NRXN1: variants seen among roughly 807,000 people sequenced by gnomAD.
NRXN1 encodes the protein neurexin-1.
In NRXN1, 39 loss-of-function variants were observed where a neutral mutation model predicts 150.9. That is an observed-to-expected ratio of 0.26 (90% CI 0.20 to 0.34). The LOEUF is 0.34. Among genes scored for constraint, NRXN1 ranks in the 10% least tolerant of loss-of-function variants. The probability of loss-of-function intolerance (pLI) is 1.00; values close to 1 mark genes in which losing one functional copy is unlikely to be tolerated. For missense variants in NRXN1, 1,815 were observed against 1,949.9 expected (o/e 0.93, Z 1.30); for synonymous variants, 924 against 757.0 (o/e 1.22, Z -3.62).
intron 5 of NRXN1, among the ~76,000 whole-genome samples, chr2:50,898,281 A>T (rs1213283520): frequency 6.6e-6 from 1 of 152,132 alleles, no homozygotes; most frequent in African/African-American, 2.4e-5. Context: ...TGTCCCTTGC[A>T]GAGATTTCCA....
At chr2:50,736,097 C>T (rs1386487174) in intron 5 of NRXN1, among the ~76,000 whole-genome samples, 4 of 152,130 alleles carry the variant, frequency 2.6e-5, no homozygotes, top group African/African-American at 9.7e-5. Flanking sequence ...AACACCATTT[C>T]AATCACATTT....
intron 5 of NRXN1, among the ~76,000 whole-genome samples, chr2:50,673,032 T>A (rs1462327443): frequency 6.6e-6 from 1 of 152,060 alleles, no homozygotes; most frequent in Non-Finnish European, 1.5e-5. Flanking sequence ...CCTGAACATA[T>A]CTGCATATAT....
chr2:50,586,588 C>A (rs1355177542), intron 8 of NRXN1, among the ~76,000 whole-genome samples: 1 of 151,828 alleles, frequency 6.6e-6, no homozygotes, highest in Non-Finnish European at 1.5e-5. Flanking sequence ...GTAGACTAAT[C>A]AAAAGTATTC....
intron 18 of NRXN1, among the ~76,000 whole-genome samples, chr2:50,232,794 A>G (rs748660732): frequency 1.3e-5 from 2 of 152,142 alleles, no homozygotes; most frequent in Non-Finnish European, 2.9e-5. Context: ...AGAATAATTC[A>G]TGATAAAAGT....
chr2:50,689,960 C>T (rs1691838638), intron 5 of NRXN1, among the ~76,000 whole-genome samples: 1 of 151,606 alleles, frequency 6.6e-6, no homozygotes, highest in Non-Finnish European at 1.5e-5. Context: ...GATCTCGGCT[C>T]ACTGCAACCT....
intron 5 of NRXN1, among the ~76,000 whole-genome samples, chr2:50,659,569 ATAT>A (rs1445189838): frequency 2.6e-5 from 4 of 151,912 alleles, no homozygotes; most frequent in Non-Finnish European, 4.4e-5. Flanking sequence ...TATTTTAAAA[ATAT>A]TATAAATTTC....
At chr2:50,057,533 G>A (rs1183961924) in intron 19 of NRXN1, among the ~76,000 whole-genome samples, 1 of 152,142 alleles carries the variant, frequency 6.6e-6, no homozygotes, top group African/African-American at 2.4e-5. Flanking sequence ...TGGCAAATTT[G>A]ATAGTTTGCC....
At chr2:50,085,180 T>C (rs970162151) in intron 19 of NRXN1, among the ~76,000 whole-genome samples, 8 of 152,204 alleles carry the variant, frequency 5.3e-5, no homozygotes, top group Non-Finnish European at 1.2e-4. Context: ...TATTCATCTA[T>C]GCATGTAAGT....
chr2:50,677,876 G>C (rs557818298), intron 5 of NRXN1, among the ~76,000 whole-genome samples: 42 of 151,972 alleles, frequency 2.8e-4, no homozygotes, highest in African/African-American at 8.9e-4. Flanking sequence ...AGTGCTTCCT[G>C]CAGTACAAAT....
At chr2:50,977,445 T>C (rs976540803) in intron 2 of NRXN1, among the ~76,000 whole-genome samples, 46 of 151,794 alleles carry the variant, frequency 3.0e-4, no homozygotes, top group African/African-American at 1.0e-3. Flanking sequence ...CTTAAGTTGG[T>C]TTTTAAAAAC....
At chr2:50,595,869 T>A (rs905152182) in intron 8 of NRXN1, among the ~76,000 whole-genome samples, 2 of 152,158 alleles carry the variant, frequency 1.3e-5, no homozygotes, top group Admixed American at 6.5e-5. Context: ...GCTAAAACAA[T>A]GCAAAAAATA....
At chr2:50,571,323 C>G (rs12713112) in intron 8 of NRXN1, among the ~76,000 whole-genome samples, 65,841 of 152,030 alleles carry the variant, frequency 0.43, 16,893 homozygotes, top group African/African-American at 0.72. Flanking sequence ...CAGTAAGTCA[C>G]GAGTTTGAAG....
chr2:50,240,288 GTCTT>G (rs1184384144), intron 17 of NRXN1, among the ~76,000 whole-genome samples: 1 of 151,644 alleles, frequency 6.6e-6, no homozygotes, highest in Non-Finnish European at 1.5e-5. Flanking sequence ...CCTGAGAGCA[GTCTT>G]TCTTAGTTTT....
At chr2:49,967,483 C>G (rs1677159398) in intron 21 of NRXN1, among the ~76,000 whole-genome samples, 1 of 152,014 alleles carries the variant, frequency 6.6e-6, no homozygotes, top group African/African-American at 2.4e-5. Flanking sequence ...TTCCTCCCCA[C>G]TTTTGTTACG....
Position 50,325,896 on chromosome 2 carries a change from A to G in NRXN1, c.3365-88926T>C, listed in dbSNP as rs114614360. On this transcript the variant is annotated intron_variant, in intron 17 of 22. Transcript: ENST00000401669. Reference sequence around the variant, plus strand: ...GTCAGCACTTTACTTTTCCTTCTTCACAGTTTCTAATCTGTAGAGCCTAAC... The same window carrying G: ...GTCAGCACTTTACTTTTCCTTCTTCGCAGTTTCTAATCTGTAGAGCCTAAC... 9.6e-3 allele frequency among the ~76,000 whole-genome samples: 1,459 copies of G among 152,302 alleles called. 15 individuals are homozygous for G. Among genetic ancestry groups the G allele is most frequent in the Middle Eastern group, 0.078 (23 of 294 alleles).
chr2:50,125,878 A>G (rs992868343), intron 18 of NRXN1, among the ~76,000 whole-genome samples: 1 of 152,082 alleles, frequency 6.6e-6, no homozygotes, highest in African/African-American at 2.4e-5. Context: ...ACTATTCATC[A>G]TTTTGCTGCA....
intron 18 of NRXN1, among the ~76,000 whole-genome samples, chr2:50,118,097 A>T (rs6744441): frequency 6.6e-6 from 1 of 151,938 alleles, no homozygotes; most frequent in Non-Finnish European, 1.5e-5. Flanking sequence ...TTTAGGAGAA[A>T]ATACAAAAGT....
intron 2 of NRXN1, among the ~76,000 whole-genome samples, chr2:50,970,509 T>C (rs1383057810): frequency 1.3e-5 from 2 of 152,044 alleles, no homozygotes; most frequent in African/African-American, 4.8e-5. Context: ...AACCAATTAA[T>C]AAAGAAGAAT....
chr2:49,984,939 C>T (rs1680650556), intron 21 of NRXN1, among the ~76,000 whole-genome samples: 1 of 152,134 alleles, frequency 6.6e-6, no homozygotes, highest in South Asian at 2.1e-4. Context: ...GCATCCATTC[C>T]TGAGAAATAA....
Sources: gnomAD v4.1 joint callset for allele counts (sites outside exome capture counted in the v4.1 genomes callset) on GRCh38, gnomAD v4.1.1 for gene constraint, MANE v1.5 for transcripts, NCBI Gene and HGNC (gene_info 2026-07-23, HGNC 2026-07-21) for gene names.